SDK2: variants seen among roughly 807,000 people sequenced by gnomAD.
SDK2 encodes the protein sidekick cell adhesion molecule 2.
A neutral mutation model predicts 253.9 loss-of-function variants in SDK2; 105 were observed. That is an observed-to-expected ratio of 0.41 (90% CI 0.35 to 0.49). SDK2 has a LOEUF of 0.49. SDK2 is among the 20% of genes least tolerant of loss of function. The probability of loss-of-function intolerance (pLI) is 0.06; values close to 1 mark genes in which losing one functional copy is unlikely to be tolerated. For synonymous variants in SDK2, 1,249 were observed against 1,234.9 expected (o/e 1.01, Z -0.24); for missense variants, 2,608 against 3,003.0 (o/e 0.87, Z 3.07).
At chr17:73,597,709 G>C (rs776185735) in intron 1 of SDK2, among the ~76,000 whole-genome samples, 1 of 150,622 alleles carries the variant, frequency 6.6e-6, no homozygotes, top group South Asian at 2.1e-4. Context: ...GCAGTGGCAC[G>C]ATCTCAGCTC....
At chr17:73,619,872 G>GAACAAC (rs1004784876) in intron 1 of SDK2, among the ~76,000 whole-genome samples, 2 of 151,918 alleles carry the variant, frequency 1.3e-5, no homozygotes, top group South Asian at 2.1e-4. Context: ...CCTTACAACT[G>GAACAAC]AACAACAACA....
In SDK2 at chr17:73,338,229, C is replaced by T. The variant is rs144610321; in HGVS notation, c.*358G>A. 213 of 403,502 alleles carry T rather than the reference C, an allele frequency of 5.3e-4. 1 individual carries two copies. The East Asian group carries it at 0.013, about 25-fold the overall frequency. The allele number at this position is 403,502 out of a possible 1,614,324, so 25.0% of individuals were successfully genotyped here. On this transcript the variant is annotated 3_prime_UTR_variant, in exon 45 of 45. Coordinates refer to ENST00000392650, the MANE Select transcript of SDK2 (RefSeq NM_001144952.2). This position sits in a 1 kb window ranked among gnomAD's most constrained non-coding sequence, Gnocchi z 5.0. The stretch of plus-strand genomic sequence containing the variant: ...CAGAAGCTTTTTCTTCCCTCGGCCA[C>T]GCCTGCCTGGCGGCCTCCAGTCCTT...
chr17:73,559,455 G>A lies in SDK2; in HGVS notation c.65-51858C>T, dbSNP rs188888874. Among the ~76,000 whole-genome samples, 34 of 152,276 alleles carry A rather than the reference G, an allele frequency of 2.2e-4. No individual in the cohort carries two copies. In the South Asian group the frequency reaches 7.1e-3, roughly 32 times the overall value. On this transcript the variant is annotated intron_variant, in intron 1 of 44. Transcript: ENST00000392650. ...ATGTGTATTATAATTCTTTTTGCGG[G>A]CTCTTGAGAATGAGAACTCTCTGCC...
intron 4 of SDK2, among the ~76,000 whole-genome samples, chr17:73,454,703 A>G (rs114337236): frequency 1.8e-4 from 27 of 152,174 alleles, no homozygotes; most frequent in African/African-American, 6.3e-4. Flanking sequence ...TGATGGTGAT[A>G]TTATCATTAT....
At chr17:73,601,013 TA>T (rs536396540) in intron 1 of SDK2, among the ~76,000 whole-genome samples, 366 of 151,484 alleles carry the variant, frequency 2.4e-3, no homozygotes, top group African/African-American at 8.0e-3. Flanking sequence ...TTTTATTATT[TA>T]AAAAAAAATT....
At chr17:73,586,756 T>C (rs1049154058) in intron 1 of SDK2, among the ~76,000 whole-genome samples, 78 of 152,316 alleles carry the variant, frequency 5.1e-4, no homozygotes, top group African/African-American at 1.6e-3. Flanking sequence ...AGCAGTTTCG[T>C]TGCATGATTA....
At chr17:73,510,430 G>A (rs1449050805) in intron 1 of SDK2, among the ~76,000 whole-genome samples, 1 of 152,148 alleles carries the variant, frequency 6.6e-6, no homozygotes, top group Admixed American at 6.5e-5. Context: ...GTGGCCTCAG[G>A]GTGGCTCAGA....
At chr17:73,498,392 G>A (rs1319271025) in intron 2 of SDK2, among the ~76,000 whole-genome samples, 1 of 152,198 alleles carries the variant, frequency 6.6e-6, no homozygotes, top group Non-Finnish European at 1.5e-5. Context: ...TTAGAGTCCT[G>A]TGAGCACCTC....
intron 5 of SDK2, among the ~76,000 whole-genome samples, chr17:73,444,137 G>A (rs897854361): frequency 6.6e-6 from 1 of 152,188 alleles, no homozygotes; most frequent in African/African-American, 2.4e-5. Flanking sequence ...TGCCTGTGCA[G>A]GGAAGAGCTC....
chr17:73,350,555 G>C (rs2062527953), intron 42 of SDK2, 95 bp downstream of exon 42: 1 of 1,441,930 alleles, frequency 6.9e-7, no homozygotes, highest in Non-Finnish European at 9.4e-7. Context: ...GCGCTGCCAG[G>C]AGCCAGGAGA....
intron 2 of SDK2, among the ~76,000 whole-genome samples, chr17:73,500,488 C>T (rs537505867): frequency 2.0e-5 from 3 of 149,496 alleles, no homozygotes; most frequent in East Asian, 4.1e-4. Context: ...CCATTATCCT[C>T]CATCCTTTGT....
intron 1 of SDK2, among the ~76,000 whole-genome samples, chr17:73,598,940 G>A (rs191769877): frequency 6.6e-6 from 1 of 152,386 alleles, no homozygotes; most frequent in East Asian, 1.9e-4. Flanking sequence ...TTTTCTTCAA[G>A]TAGTGGAACC....
chr17:73,366,471 G>A (rs2145432894), intron 37 of SDK2, among the ~76,000 whole-genome samples: 1 of 152,148 alleles, frequency 6.6e-6, no homozygotes, highest in East Asian at 1.9e-4. Context: ...GTCATAATGA[G>A]GAACTGATGC....
intron 36 of SDK2, among the ~76,000 whole-genome samples, 154 bp from the exon 37 acceptor site, chr17:73,368,747 C>T (rs2145438287): frequency 6.6e-6 from 1 of 152,264 alleles, no homozygotes; most frequent in East Asian, 1.9e-4. Flanking sequence ...CGGTGGCTCA[C>T]ACCTGTAATC....
At chr17:73,413,090 T>C (rs2063153015) in intron 18 of SDK2, among the ~76,000 whole-genome samples, 1 of 152,070 alleles carries the variant, frequency 6.6e-6, no homozygotes, top group African/African-American at 2.4e-5. Flanking sequence ...CAGCAGGAGG[T>C]GAGCGGCAGG....
chr17:73,370,327 C>G (rs1195720156), intron 36 of SDK2, among the ~76,000 whole-genome samples: 2 of 152,136 alleles, frequency 1.3e-5, no homozygotes, highest in African/African-American at 4.8e-5. Context: ...ACTGCAGCCT[C>G]AACCACCTGG....
At position 73,431,238 on chromosome 17, in the gene SDK2, T is replaced by C. The variant is rs909170988; in HGVS notation, c.1480+264A>G. 5.8e-4 allele frequency among the ~76,000 whole-genome samples: 88 copies of C among 152,210 alleles called. 1 individual carries two copies. Among genetic ancestry groups the C allele is most frequent in the Non-Finnish European group, 1.2e-4 (8 of 68,028 alleles). ...ATTTGCCGATTTCTGCCCTAAAATA[T>C]ATGAAGGCAGCTCTCCTATAACTTC... On this transcript the variant is annotated intron_variant, in intron 11 of 44. Coordinates refer to ENST00000392650, the MANE Select transcript of SDK2 (RefSeq NM_001144952.2). The surrounding 1 kb of genome is among the most constrained non-coding windows in gnomAD (Gnocchi z 5.6).
intron 18 of SDK2, among the ~76,000 whole-genome samples, chr17:73,412,020 GTATATGTATATA>G (rs1568389187): frequency 5.8e-4 from 29 of 49,630 alleles, no homozygotes; most frequent in Non-Finnish European, 9.2e-4. Flanking sequence ...GTAGATATAC[GTATATGTATATA>G]TACGTATATA....
At chr17:73,606,836 T>C (rs1295685379) in intron 1 of SDK2, among the ~76,000 whole-genome samples, 2 of 151,938 alleles carry the variant, frequency 1.3e-5, no homozygotes, top group African/African-American at 4.8e-5. Flanking sequence ...GGTGACATAG[T>C]GGGTGAGAAG....
Sources: gnomAD v4.1 joint callset for allele counts (sites outside exome capture counted in the v4.1 genomes callset) on GRCh38, gnomAD v4.1.1 for gene constraint, Gnocchi (gnomAD v3.1) non-coding constraint, MANE v1.5 for transcripts, NCBI Gene and HGNC (gene_info 2026-07-23, HGNC 2026-07-21) for gene names.